BACH2: variants seen among roughly 807,000 people sequenced by gnomAD.
The protein encoded by BACH2 is BACH transcriptional regulator 2.
Under a neutral mutation model 61.8 loss-of-function variants are expected in BACH2, and 5 were observed. The observed-to-expected ratio is 0.08, with a 90% CI of 0.04 to 0.17. The LOEUF (loss-of-function observed/expected upper bound fraction) is 0.17, where lower values mean the gene tolerates loss of function less well. Ranked by LOEUF, BACH2 falls within the 10% of genes least tolerant of loss-of-function variation. The probability of loss-of-function intolerance (pLI) is 1.00; values close to 1 mark genes in which losing one functional copy is unlikely to be tolerated. For synonymous variants in BACH2, 446 were observed against 440.1 expected, an observed-to-expected ratio of 1.01 and a Z score of -0.17; for missense variants, 824 against 1,091.1, an observed-to-expected ratio of 0.76 and a Z score of 3.45.
intron 4 of BACH2, among the ~76,000 whole-genome samples, chr6:90,150,866 TGTCA>T (rs1049791672): frequency 6.6e-5 from 10 of 152,228 alleles, no homozygotes; most frequent in Non-Finnish European, 7.4e-5. Context: ...GCAGTTGGGA[TGTCA>T]GTCAGTCAGT....
At chr6:90,192,099 G>C (rs1768594100) in intron 4 of BACH2, among the ~76,000 whole-genome samples, 1 of 152,162 alleles carries the variant, frequency 6.6e-6, no homozygotes, top group South Asian at 2.1e-4. Flanking sequence ...AGAACAATAA[G>C]ACAGCAATAT....
chr6:90,217,216 G>A (rs549983215), intron 3 of BACH2, among the ~76,000 whole-genome samples: 3 of 152,286 alleles, frequency 2.0e-5, no homozygotes, highest in African/African-American at 7.2e-5. Context: ...TTTACTCCAG[G>A]TCAAGGTGTG....
rs928184968 is a variant in BACH2 at position 90,287,188 on chromosome 6, A to G, written c.-446+9292T>C. Reference sequence around the variant, plus strand: ...TCTACAGCCAGGTATTTACCTGCCAACAACTCTATCTAAAATAAGTATAGT... The same window carrying G: ...TCTACAGCCAGGTATTTACCTGCCAGCAACTCTATCTAAAATAAGTATAGT... On this transcript the variant is annotated intron_variant, in intron 1 of 8. Coordinates refer to ENST00000257749, the MANE Select transcript of BACH2 (RefSeq NM_021813.4). Among the ~76,000 whole-genome samples the G allele has an allele frequency of 3.6e-4, 55 of 152,212 alleles. 1 individual carries two copies. Among genetic ancestry groups the G allele is most frequent in the African/African-American group, 1.3e-3 (55 of 41,450 alleles).
intron 4 of BACH2, among the ~76,000 whole-genome samples, chr6:90,197,831 C>A (rs1768810993): frequency 6.6e-6 from 1 of 152,180 alleles, no homozygotes; most frequent in Non-Finnish European, 1.5e-5. Flanking sequence ...TAAGAAAATA[C>A]TAGGCACTCC....
At chr6:90,174,676 G>A (rs907823078) in intron 4 of BACH2, among the ~76,000 whole-genome samples, 12 of 151,982 alleles carry the variant, frequency 7.9e-5, no homozygotes, top group African/African-American at 2.9e-4. Context: ...CCCTTTGACA[G>A]TGGCATGGCT....
Position 90,008,989 on chromosome 6 carries a change from G to A in BACH2, c.-12-133C>T. 9.3e-7 allele frequency: 1 copy of A among 1,076,924 alleles called. No individual in the cohort carries two copies. Among genetic ancestry groups the A allele is most frequent in the Non-Finnish European group, 1.3e-6 (1 of 766,862 alleles). The allele number at this position is 1,076,924 out of a possible 1,614,324, so 66.7% of individuals were successfully genotyped here. On this transcript the variant is annotated intron_variant, in intron 5 of 8. Coordinates refer to ENST00000257749, the MANE Select transcript of BACH2 (RefSeq NM_021813.4). This position sits in a 1 kb window ranked among gnomAD's most constrained non-coding sequence, Gnocchi z 4.1. ...CTGCCATGAGCATGGCAGGAAGGAG[G>A]GGAATTACCAATCAGCATATTTGTG...
chr6:90,270,377 C>T (rs895232709), intron 2 of BACH2, among the ~76,000 whole-genome samples: 6 of 152,128 alleles, frequency 3.9e-5, no homozygotes, highest in African/African-American at 1.4e-4. Flanking sequence ...TCAGTAAGGT[C>T]TCAGGAGGCA....
intron 6 of BACH2, among the ~76,000 whole-genome samples, chr6:89,998,948 C>A (rs764704618): frequency 6.6e-6 from 1 of 152,060 alleles, no homozygotes; most frequent in South Asian, 2.1e-4. Flanking sequence ...GAATGGAATG[C>A]GAATCCATTA....
At chr6:89,972,804 C>T (rs775072905) in intron 6 of BACH2, among the ~76,000 whole-genome samples, 3 of 151,986 alleles carry the variant, frequency 2.0e-5, no homozygotes, top group East Asian at 1.9e-4. Flanking sequence ...TTAAAAAAAA[C>T]GACGGGCTGG....
chr6:90,042,787 C>A (rs1278783356), intron 5 of BACH2, among the ~76,000 whole-genome samples: 1 of 152,162 alleles, frequency 6.6e-6, no homozygotes, highest in Non-Finnish European at 1.5e-5. Context: ...TTATACTGAC[C>A]TAAGTTGCTC....
chr6:90,099,882 C>T (rs1165602765), intron 4 of BACH2, among the ~76,000 whole-genome samples: 2 of 152,132 alleles, frequency 1.3e-5, no homozygotes, highest in African/African-American at 4.8e-5. Flanking sequence ...AATATCAGAA[C>T]ATTTCCATCA....
intron 3 of BACH2, among the ~76,000 whole-genome samples, chr6:90,223,109 G>A (rs1330196237): frequency 6.6e-6 from 1 of 152,212 alleles, no homozygotes; most frequent in African/African-American, 2.4e-5. Context: ...CCATCCATGA[G>A]ACGCACCCTT....
intron 4 of BACH2, among the ~76,000 whole-genome samples, chr6:90,185,797 A>T (rs1367397660): frequency 6.6e-6 from 1 of 152,230 alleles, no homozygotes; most frequent in African/African-American, 2.4e-5. Context: ...CTTACACTGT[A>T]AACTCCCAGA....
intron 1 of BACH2, among the ~76,000 whole-genome samples, chr6:90,283,017 A>AAGGTATTCAGGTTTTAAAAT (rs1771904241): frequency 6.6e-6 from 1 of 152,254 alleles, no homozygotes; most frequent in Non-Finnish European, 1.5e-5. Context: ...CTTACATGGT[A>AAGGTATTCAGGTTTTAAAAT]TTGTCAGGTT....
At chr6:90,191,624 A>C (rs962933994) in intron 4 of BACH2, among the ~76,000 whole-genome samples, 1 of 152,182 alleles carries the variant, frequency 6.6e-6, no homozygotes, top group African/African-American at 2.4e-5. Flanking sequence ...TTATCTAGAC[A>C]CGTGATTATT....
At chr6:90,098,548 A>T (rs1782478175) in intron 4 of BACH2, among the ~76,000 whole-genome samples, 1 of 152,194 alleles carries the variant, frequency 6.6e-6, no homozygotes, top group Non-Finnish European at 1.5e-5. Context: ...CCTGACATAG[A>T]TTCTTTAAAA....
At chr6:89,940,605 A>G (rs1773364698) in intron 7 of BACH2, among the ~76,000 whole-genome samples, 1 of 152,192 alleles carries the variant, frequency 6.6e-6, no homozygotes, top group Non-Finnish European at 1.5e-5. Context: ...TCTTGTTTAC[A>G]TTCACGTCTG....
intron 4 of BACH2, among the ~76,000 whole-genome samples, chr6:90,169,728 T>C (rs1472540293): frequency 6.6e-6 from 1 of 152,240 alleles, no homozygotes; most frequent in African/African-American, 2.4e-5. Flanking sequence ...TCTCCACTGC[T>C]CTCTTTGTTC....
At chr6:89,933,835 A>T (rs1250644308) in intron 8 of BACH2, among the ~76,000 whole-genome samples, 1 of 151,888 alleles carries the variant, frequency 6.6e-6, no homozygotes, top group Non-Finnish European at 1.5e-5. Flanking sequence ...AAAATACAAA[A>T]ATTAGCCAGG....
Sources: gnomAD v4.1 joint callset for allele counts (sites outside exome capture counted in the v4.1 genomes callset) on GRCh38, gnomAD v4.1.1 for gene constraint, Gnocchi (gnomAD v3.1) non-coding constraint, MANE v1.5 for transcripts, NCBI Gene and HGNC (gene_info 2026-07-23, HGNC 2026-07-21) for gene names.